Variants in RHOBTB2 observed in about 807,000 individuals in gnomAD.
The protein encoded by RHOBTB2 is rho-related BTB domain-containing protein 2.
RHOBTB2 carries 39 observed loss-of-function variants against 66.5 expected under a neutral mutation model. The ratio of observed to expected loss-of-function variants is 0.59; its 90% CI spans 0.45 to 0.77. RHOBTB2 has a LOEUF of 0.77. RHOBTB2 is among the 30% of genes least tolerant of loss of function. The pLI, the probability that RHOBTB2 is intolerant of heterozygous loss-of-function variation, is 0.00. For missense variants in RHOBTB2, 755 were observed against 999.1 expected (o/e 0.76, Z 3.29); for synonymous variants, 390 against 395.0 (o/e 0.99, Z 0.15).
chr8:22,953,414 C>T, the RHOBTB2 span, among the ~76,000 whole-genome samples: 2 of 138,486 alleles, frequency 1.4e-5, no homozygotes, highest in Admixed American at 7.3e-5. Flanking sequence ...GACCACCTGA[C>T]ATTCCTGGGG....
the RHOBTB2 span, among the ~76,000 whole-genome samples, chr8:22,960,001 TAAA>T: frequency 4.8e-5 from 5 of 104,798 alleles, no homozygotes; most frequent in Admixed American, 1.1e-4. Context: ...CCATCTCTAC[TAAA>T]AAAAAAAAAA....
chr8:23,006,644 A>G lies in RHOBTB2; in HGVS notation c.483-84A>G, dbSNP rs1042577992. The G allele has an allele frequency of 4.4e-6, 6 of 1,370,426 alleles. No individual in the cohort carries two copies. In the East Asian group the frequency reaches 1.2e-4, roughly 26 times the overall value. The allele number at this position is 1,370,426 out of a possible 1,614,324, so 84.9% of individuals were successfully genotyped here. Reference sequence around the variant, plus strand: ...GGTGGGGATTGGCACCCAGATCCTGAGCAGAGTCCCTCCAGCCTGTGGAAG... The same window carrying G: ...GGTGGGGATTGGCACCCAGATCCTGGGCAGAGTCCCTCCAGCCTGTGGAAG... On this transcript the variant is annotated intron_variant, in intron 4 of 9. Coordinates refer to ENST00000251822, the MANE Select transcript of RHOBTB2 (RefSeq NM_015178.3). The surrounding 1 kb of genome is among the most constrained non-coding windows in gnomAD (Gnocchi z 6.1).
the RHOBTB2 span, among the ~76,000 whole-genome samples, chr8:22,964,801 TTTA>T: frequency 1.7e-5 from 1 of 58,012 alleles, no homozygotes; most frequent in African/African-American, 3.6e-5. Context: ...TATTTATTTA[TTTA>T]TTTATTTATT....
Position 23,014,709 on chromosome 8 carries a change from G to C in RHOBTB2, c.1791G>C (p.Gly597=), listed in dbSNP as rs549794499. Residue 597 remains glycine (G), a synonymous_variant, in exon 8 of 10, where the codon GGG becomes GGC. Transcript: ENST00000251822. ...VALTEQYTVT[G]LMEATQMMVD... Reference sequence around the variant, plus strand: ...TTACAGAGCAGTACACAGTGACCGGGCTGATGGAAGCGACCCAGATGATGG... The same window carrying C: ...TTACAGAGCAGTACACAGTGACCGGCCTGATGGAAGCGACCCAGATGATGG... 1 of 1,614,152 alleles carries C rather than the reference G, an allele frequency of 6.2e-7. No homozygotes were observed. The highest frequency in any genetic ancestry group is 2.2e-5 in the East Asian group (1 of 44,886).
intron 2 of RHOBTB2, among the ~76,000 whole-genome samples, chr8:22,994,372 C>T (rs974226186): frequency 2.0e-5 from 3 of 152,218 alleles, no homozygotes; most frequent in Non-Finnish European, 4.4e-5. Context: ...CCCTGGGTGG[C>T]CTTGGTCTTG....
At chr8:22,959,299 T>G in the RHOBTB2 span, among the ~76,000 whole-genome samples, 1 of 152,212 alleles carries the variant, frequency 6.6e-6, no homozygotes, top group Non-Finnish European at 1.5e-5. Flanking sequence ...CAGGCTGGAG[T>G]GCAGTGGTGC....
At chr8:22,976,931 C>T in the RHOBTB2 span, among the ~76,000 whole-genome samples, 5 of 151,386 alleles carry the variant, frequency 3.3e-5, no homozygotes, top group East Asian at 9.8e-4. Flanking sequence ...TGGCCTAGAA[C>T]AATTTTTTAA....
intron 7 of RHOBTB2, among the ~76,000 whole-genome samples, chr8:23,014,189 C>G (rs1811223917): frequency 6.6e-6 from 1 of 152,210 alleles, no homozygotes; most frequent in South Asian, 2.1e-4. Flanking sequence ...AATTAAAATT[C>G]AGAACCAAGG....
At chr8:22,970,827 C>T in the RHOBTB2 span, among the ~76,000 whole-genome samples, 2 of 152,156 alleles carry the variant, frequency 1.3e-5, no homozygotes, top group Non-Finnish European at 2.9e-5. Flanking sequence ...TCTTTCCACA[C>T]ACAACTCCGC....
At chr8:23,005,571 CAAG>C (rs1169456210) in intron 3 of RHOBTB2, 96 bp downstream of exon 3, 1 of 879,534 alleles carries the variant, frequency 1.1e-6, no homozygotes, top group South Asian at 1.4e-5. Flanking sequence ...TTTCAGCTGG[CAAG>C]AAGAAGTGGA....
chr8:22,989,153 CTT>C (rs1273353932), intron 1 of RHOBTB2, among the ~76,000 whole-genome samples: 1 of 151,962 alleles, frequency 6.6e-6, no homozygotes, highest in Non-Finnish European at 1.5e-5. Context: ...AACATTTCCA[CTT>C]TCTTTTTTTT....
At chr8:23,001,386 C>T (rs912632223) in intron 1 of RHOBTB2, among the ~76,000 whole-genome samples, 4 of 152,072 alleles carry the variant, frequency 2.6e-5, no homozygotes, top group Non-Finnish European at 5.9e-5. Context: ...TGGGCTGTAT[C>T]ACCATACATC....
chr8:22,960,011 A>AT, the RHOBTB2 span, among the ~76,000 whole-genome samples: 2 of 149,972 alleles, frequency 1.3e-5, no homozygotes, highest in Admixed American at 6.6e-5. Flanking sequence ...TAAAAAAAAA[A>AT]AAAAAAAAAA....
Position 23,008,010 on chromosome 8 carries a change from G to A in RHOBTB2, c.1519G>A (p.Asp507Asn), listed in dbSNP as rs1254668197. The change falls in exon 6 of 10, where the codon GAT becomes AAT. Residue 507 changes from aspartate to asparagine, a missense_variant. Physicochemically the swap from Asp to Asn is conservative, Grantham distance 23. This residue lies in a region of RHOBTB2 where 353 missense variants were observed against 458.2 expected (regional missense o/e 0.77). Coordinates refer to ENST00000251822, the MANE Select transcript of RHOBTB2 (RefSeq NM_015178.3). Reference protein sequence around the residue: ...GTFSDVTFILDDGTISAHKPL... With the variant: ...GTFSDVTFILNDGTISAHKPL... The stretch of plus-strand genomic sequence containing the variant: ...CTGGACAGATGTGACCTTCATCCTG[G>A]ATGATGGCACCATCAGCGCCCACAA... The A allele has an allele frequency of 6.2e-7, 1 of 1,613,888 alleles. No individual in the cohort carries two copies.
At chr8:22,994,124 C>T (rs1810486832) in intron 2 of RHOBTB2, among the ~76,000 whole-genome samples, 2 of 152,174 alleles carry the variant, frequency 1.3e-5, no homozygotes, top group South Asian at 4.1e-4. Context: ...CAGAGGATAT[C>T]AGGGCCAGAA....
At chr8:22,958,802 G>A in the RHOBTB2 span, among the ~76,000 whole-genome samples, 19 of 52,174 alleles carry the variant, frequency 3.6e-4, no homozygotes, top group East Asian at 8.1e-4. Context: ...GCCCCTCTCT[G>A]AAAAAAAAAA....
chr8:22,991,386 T>G (rs1377525147), intron 1 of RHOBTB2, among the ~76,000 whole-genome samples: 1 of 151,366 alleles, frequency 6.6e-6, no homozygotes, highest in Non-Finnish European at 1.5e-5. Context: ...GCTCAGGAAG[T>G]GAGGAAAGGA....
At chr8:23,010,517 G>A (rs372011281) in intron 6 of RHOBTB2, 21 bp from the exon 7 acceptor site, 32 of 1,605,780 alleles carry the variant, frequency 2.0e-5, no homozygotes, top group Middle Eastern at 1.7e-4. Context: ...ATTGCTGTCC[G>A]CTCACTCCTT....
chr8:22,964,827 T>TA, the RHOBTB2 span, among the ~76,000 whole-genome samples: 3 of 140,832 alleles, frequency 2.1e-5, no homozygotes, highest in African/African-American at 7.8e-5. Context: ...TTTATTTATT[T>TA]ATTTATTGAG....
Sources: allele counts gnomAD v4.1 joint callset (sites outside exome capture counted in the v4.1 genomes callset), GRCh38; gene constraint gnomAD v4.1.1; regional missense constraint gnomAD v4.1.1; non-coding constraint Gnocchi (gnomAD v3.1); transcripts MANE v1.5; gene names NCBI Gene and HGNC (gene_info 2026-07-23, HGNC 2026-07-21).